UNC5C: variants seen among roughly 807,000 people sequenced by gnomAD.
UNC5C encodes the protein unc-5 netrin receptor C.
A neutral mutation model predicts 99.8 loss-of-function variants in UNC5C; 47 were observed. That is an observed-to-expected ratio of 0.47 (90% CI 0.37 to 0.60). UNC5C has a LOEUF of 0.60. Among genes scored for constraint, UNC5C ranks in the 20% least tolerant of loss-of-function variants. UNC5C has a pLI of 0.00. For synonymous variants in UNC5C, 487 were observed against 452.2 expected (o/e 1.08, Z -0.98); for missense variants, 1,062 against 1,165.9 (o/e 0.91, Z 1.30).
intron 2 of UNC5C, among the ~76,000 whole-genome samples, chr4:95,323,503 T>C (rs1415303621): frequency 6.6e-6 from 1 of 152,182 alleles, no homozygotes; most frequent in Non-Finnish European, 1.5e-5. Flanking sequence ...ATGCCAATAA[T>C]TAATTAAGCT....
intron 1 of UNC5C, among the ~76,000 whole-genome samples, chr4:95,546,377 G>A (rs1038771823): frequency 2.5e-4 from 38 of 152,308 alleles, no homozygotes; most frequent in African/African-American, 8.9e-4. Flanking sequence ...AACAGGCTGG[G>A]TTACTGTACT....
At chr4:95,401,003 T>C (rs1473948026) in intron 1 of UNC5C, among the ~76,000 whole-genome samples, 1 of 152,232 alleles carries the variant, frequency 6.6e-6, no homozygotes, top group African/African-American at 2.4e-5. Flanking sequence ...GATATTCTCA[T>C]TTTCTTTTAT....
chr4:95,369,504 ATTGCT>A (rs1188492897), intron 1 of UNC5C, among the ~76,000 whole-genome samples: 1 of 152,016 alleles, frequency 6.6e-6, no homozygotes, highest in African/African-American at 2.4e-5. Flanking sequence ...GTGAGCCGAG[ATTGCT>A]TGCGCCACTG....
chr4:95,393,182 C>G (rs907066215), intron 1 of UNC5C, among the ~76,000 whole-genome samples: 1 of 152,150 alleles, frequency 6.6e-6, no homozygotes, highest in Non-Finnish European at 1.5e-5. Flanking sequence ...AGATGGAGGA[C>G]TTAGATGGTT....
chr4:95,303,881 A>G (rs949998272), intron 2 of UNC5C, among the ~76,000 whole-genome samples: 2 of 152,184 alleles, frequency 1.3e-5, no homozygotes, highest in Non-Finnish European at 2.9e-5. Context: ...AAAAGTTATA[A>G]TTTCTCAAAA....
chr4:95,341,377 A>G (rs1743568205), intron 1 of UNC5C, among the ~76,000 whole-genome samples: 1 of 152,076 alleles, frequency 6.6e-6, no homozygotes, highest in Non-Finnish European at 1.5e-5. Flanking sequence ...GTGGATTTGT[A>G]CGTATTGACC....
At chr4:95,349,987 C>T (rs1698069668) in intron 1 of UNC5C, among the ~76,000 whole-genome samples, 1 of 151,868 alleles carries the variant, frequency 6.6e-6, no homozygotes, top group African/African-American at 2.4e-5. Flanking sequence ...AATCTTTTTA[C>T]TTATAAAAAG....
chr4:95,401,763 G>A (rs1033236453), intron 1 of UNC5C, among the ~76,000 whole-genome samples: 1 of 152,214 alleles, frequency 6.6e-6, no homozygotes, highest in Non-Finnish European at 1.5e-5. Flanking sequence ...GAGACTCAGT[G>A]GATCCGAGCA....
chr4:95,449,596 C>G (rs1224247526), intron 1 of UNC5C, among the ~76,000 whole-genome samples: 2 of 152,064 alleles, frequency 1.3e-5, no homozygotes, highest in Admixed American at 1.3e-4. Context: ...ATGAGGAAAA[C>G]ATAAAGACAT....
intron 1 of UNC5C, among the ~76,000 whole-genome samples, chr4:95,469,315 T>G (rs1375843678): frequency 6.6e-6 from 1 of 152,176 alleles, no homozygotes; most frequent in Non-Finnish European, 1.5e-5. Flanking sequence ...TTTAAAATCT[T>G]TCTAAAATTA....
At chr4:95,257,609 A>G (rs1740053637) in intron 4 of UNC5C, among the ~76,000 whole-genome samples, 1 of 152,222 alleles carries the variant, frequency 6.6e-6, no homozygotes, top group Non-Finnish European at 1.5e-5. Context: ...GCAGAAAGTA[A>G]TTGAGGGTAG....
intron 1 of UNC5C, among the ~76,000 whole-genome samples, chr4:95,336,101 A>G (rs2149421397): frequency 6.6e-6 from 1 of 152,084 alleles, no homozygotes; most frequent in South Asian, 2.1e-4. Context: ...TTAATTAAGG[A>G]TATTTACGTT....
intron 7 of UNC5C, among the ~76,000 whole-genome samples, chr4:95,228,682 G>C (rs1056986387): frequency 6.6e-6 from 1 of 152,180 alleles, no homozygotes; most frequent in Non-Finnish European, 1.5e-5. Context: ...CGAATGAGGA[G>C]AGACAAGGAA....
intron 4 of UNC5C, among the ~76,000 whole-genome samples, chr4:95,254,150 T>C (rs997712499): frequency 2.0e-5 from 3 of 152,178 alleles, no homozygotes; most frequent in African/African-American, 7.2e-5. Context: ...GTCACCAGAT[T>C]ATATCACCCA....
At chr4:95,441,216 C>T (rs928514465) in intron 1 of UNC5C, among the ~76,000 whole-genome samples, 2 of 152,192 alleles carry the variant, frequency 1.3e-5, no homozygotes, top group African/African-American at 4.8e-5. Context: ...GGCCACCAGA[C>T]TTCTGCTTTT....
intron 7 of UNC5C, among the ~76,000 whole-genome samples, chr4:95,223,320 G>T (rs1359471128): frequency 6.6e-6 from 1 of 152,142 alleles, no homozygotes; most frequent in Non-Finnish European, 1.5e-5. Context: ...TGACTAAGAA[G>T]CCTGTGAATT....
chr4:95,421,117 C>T (rs1386747488), intron 1 of UNC5C, among the ~76,000 whole-genome samples: 1 of 152,196 alleles, frequency 6.6e-6, no homozygotes, highest in East Asian at 1.9e-4. Context: ...AACCTAAAAT[C>T]CCCTCTCCAG....
intron 1 of UNC5C, among the ~76,000 whole-genome samples, chr4:95,504,136 C>T (rs949560577): frequency 9.9e-5 from 15 of 152,184 alleles, no homozygotes; most frequent in Middle Eastern, 3.4e-3. Flanking sequence ...GAAGTCCCAC[C>T]GACATTTTCT....
chr4:95,530,650 A>G (rs1446525252), intron 1 of UNC5C, among the ~76,000 whole-genome samples: 1 of 152,202 alleles, frequency 6.6e-6, no homozygotes, highest in Non-Finnish European at 1.5e-5. Context: ...GCATTTCTAA[A>G]AGTGGTGCTG....
Sources: allele counts gnomAD v4.1 joint callset (sites outside exome capture counted in the v4.1 genomes callset), GRCh38; gene constraint gnomAD v4.1.1; transcripts MANE v1.5; gene names NCBI Gene and HGNC (gene_info 2026-07-23, HGNC 2026-07-21).